Variants in PAK5 observed in about 807,000 individuals in gnomAD.
The protein encoded by PAK5 is serine/threonine-protein kinase PAK 5.
A neutral mutation model predicts 65.9 loss-of-function variants in PAK5; 16 were observed. That is an observed-to-expected ratio of 0.24 (90% CI 0.16 to 0.37). The LOEUF (loss-of-function observed/expected upper bound fraction) is 0.37, where lower values mean the gene tolerates loss of function less well. PAK5 is among the 10% of genes least tolerant of loss of function. The probability of loss-of-function intolerance (pLI) is 1.00; values close to 1 mark genes in which losing one functional copy is unlikely to be tolerated. For missense variants in PAK5, 785 were observed against 903.9 expected (o/e 0.87, Z 1.69); for synonymous variants, 371 against 354.9 (o/e 1.05, Z -0.51).
intron 2 of PAK5, among the ~76,000 whole-genome samples, chr20:9,651,439 A>G (rs1363257634): frequency 2.0e-5 from 3 of 152,178 alleles, no homozygotes; most frequent in Non-Finnish European, 4.4e-5. Flanking sequence ...CTTGACCCCT[A>G]TTACAAATTG....
chr20:9,766,015 A>G (rs971783326), intron 1 of PAK5, among the ~76,000 whole-genome samples: 2 of 152,060 alleles, frequency 1.3e-5, no homozygotes, highest in African/African-American at 4.8e-5. Context: ...CGAGGTCAAG[A>G]GATCAAGACC....
At chr20:9,809,331 C>T (rs941987569) in intron 1 of PAK5, among the ~76,000 whole-genome samples, 1 of 126,022 alleles carries the variant, frequency 7.9e-6, no homozygotes, top group Non-Finnish European at 1.6e-5. Context: ...TTGAGGCAAT[C>T]CAAATTTTTT....
intron 2 of PAK5, among the ~76,000 whole-genome samples, chr20:9,658,403 T>C (rs139779760): frequency 0.031 from 4,782 of 152,330 alleles, 112 homozygotes; most frequent in Non-Finnish European, 0.042. Flanking sequence ...GGGCTTGTTC[T>C]TGTGGTGGTA....
At chr20:9,748,946 C>T (rs1026261263) in intron 1 of PAK5, among the ~76,000 whole-genome samples, 1 of 152,258 alleles carries the variant, frequency 6.6e-6, no homozygotes, top group Admixed American at 6.5e-5. Flanking sequence ...AGAAGTTTCT[C>T]TCGTGCCCTG....
chr20:9,603,239 C>T (rs2046391628), intron 3 of PAK5, among the ~76,000 whole-genome samples: 1 of 152,206 alleles, frequency 6.6e-6, no homozygotes, highest in African/African-American at 2.4e-5. Flanking sequence ...AATGCAAGCA[C>T]TTTTGGCCTT....
At chr20:9,806,770 T>C (rs1251067780) in intron 1 of PAK5, among the ~76,000 whole-genome samples, 2 of 152,182 alleles carry the variant, frequency 1.3e-5, no homozygotes, top group Admixed American at 6.6e-5. Context: ...ATTATTCATA[T>C]TATATTAATT....
chr20:9,782,514 C>T lies in PAK5; in HGVS notation c.-162+56248G>A, dbSNP rs577784393. ...ATATTAAAATATAAAAATATGTGTA[C>T]CTTGGAATCCGTGACATGTGGGTGG... On this transcript the variant is annotated intron_variant, in intron 1 of 9. Coordinates refer to ENST00000353224, the MANE Select transcript of PAK5 (RefSeq NM_177990.4). Among the ~76,000 whole-genome samples the T allele has an allele frequency of 5.3e-5, 8 of 152,170 alleles. No individual in the cohort carries two copies. The South Asian group carries it at 1.7e-3, about 32-fold the overall frequency.
chr20:9,573,333 G>A (rs1191786317), intron 4 of PAK5, among the ~76,000 whole-genome samples: 1 of 152,148 alleles, frequency 6.6e-6, no homozygotes, highest in East Asian at 1.9e-4. Context: ...TCTAAAGATA[G>A]GGTCAGACAC....
intron 1 of PAK5, among the ~76,000 whole-genome samples, chr20:9,732,925 G>A (rs6056834): frequency 0.49 from 74,924 of 152,038 alleles, 18,554 homozygotes; most frequent in South Asian, 0.63. Context: ...CCCTAAAACA[G>A]TAGCATAATC....
intron 3 of PAK5, among the ~76,000 whole-genome samples, chr20:9,591,973 T>C (rs932145806): frequency 2.0e-5 from 3 of 152,150 alleles, no homozygotes; most frequent in Non-Finnish European, 4.4e-5. Context: ...AACTATAAAG[T>C]TGGTATTGTA....
At chr20:9,745,223 C>T (rs768667288) in intron 1 of PAK5, among the ~76,000 whole-genome samples, 20 of 151,966 alleles carry the variant, frequency 1.3e-4, no homozygotes, top group Non-Finnish European at 1.8e-4. Context: ...TTATTTCTTA[C>T]TAAATTGCCA....
chr20:9,666,620 A>T (rs986501459), intron 2 of PAK5, among the ~76,000 whole-genome samples: 3 of 152,120 alleles, frequency 2.0e-5, no homozygotes, highest in African/African-American at 7.2e-5. Flanking sequence ...TCTGGCTACA[A>T]TGTCTCCCCA....
At chr20:9,777,650 G>A (rs2048900528) in intron 1 of PAK5, among the ~76,000 whole-genome samples, 1 of 152,186 alleles carries the variant, frequency 6.6e-6, no homozygotes, top group Admixed American at 6.5e-5. Context: ...GGACCAATTA[G>A]AGTAAAAGAA....
rs1041171801 is a variant in PAK5 at position 9,538,851 on chromosome 20, C to T, written c.*611G>A. The T allele has an allele frequency of 9.0e-5, 21 of 233,054 alleles. No individual in the cohort carries two copies. Among genetic ancestry groups the T allele is most frequent in the African/African-American group, 4.2e-4 (19 of 45,276 alleles). The allele number at this position is 233,054 out of a possible 1,614,324, so 14.4% of individuals were successfully genotyped here. On this transcript the variant is annotated 3_prime_UTR_variant, in exon 10 of 10. Coordinates refer to ENST00000353224, the MANE Select transcript of PAK5 (RefSeq NM_177990.4). ...ACTAAAGCTGACGGTGATTGAGAGT[C>T]ATTCAGTATTCAAAGTTCCTAAAGA...
chr20:9,592,740 A>C (rs774105779), intron 3 of PAK5, among the ~76,000 whole-genome samples: 44 of 152,192 alleles, frequency 2.9e-4, no homozygotes, highest in Non-Finnish European at 6.3e-4. Flanking sequence ...AGCAATGGGC[A>C]CTAGAATGTG....
At chr20:9,779,293 G>A (rs1016479920) in intron 1 of PAK5, among the ~76,000 whole-genome samples, 6 of 151,286 alleles carry the variant, frequency 4.0e-5, no homozygotes, top group African/African-American at 1.2e-4. Flanking sequence ...GGTAGGCCTG[G>A]GAGAAAGCTG....
intron 1 of PAK5, among the ~76,000 whole-genome samples, chr20:9,713,286 G>C (rs1029679729): frequency 1.3e-5 from 2 of 151,758 alleles, no homozygotes; most frequent in African/African-American, 4.8e-5. Context: ...AATCATCAGG[G>C]AAATGCAAAT....
chr20:9,557,964 T>C lies in PAK5; in HGVS notation c.1617-230A>G, dbSNP rs528137627. ...AAGTCAAAGGAAAGAGATCACTATT[T>C]GTCAGCTTTTTGGTCATTCATGCAA... On this transcript the variant is annotated intron_variant, in intron 6 of 9. Transcript: ENST00000353224. Among the ~76,000 whole-genome samples, 10 of 152,280 alleles carry C rather than the reference T, an allele frequency of 6.6e-5. No homozygotes were observed. The South Asian group carries it at 2.1e-3, about 32-fold the overall frequency.
intron 3 of PAK5, among the ~76,000 whole-genome samples, chr20:9,612,335 A>G (rs745712461): frequency 1.3e-5 from 2 of 152,224 alleles, no homozygotes; most frequent in Non-Finnish European, 2.9e-5. Context: ...CACTGCTATA[A>G]AGAAACACCT....
Sources: gnomAD v4.1 joint callset for allele counts (sites outside exome capture counted in the v4.1 genomes callset) on GRCh38, gnomAD v4.1.1 for gene constraint, MANE v1.5 for transcripts, NCBI Gene and HGNC (gene_info 2026-07-23, HGNC 2026-07-21) for gene names.